The following URGCP variants were observed in gnomAD, a reference collection of about 807,000 sequenced individuals.
The protein encoded by URGCP is up-regulator of cell proliferation.
In URGCP, 13 loss-of-function variants were observed where a neutral mutation model predicts 24.6. The observed-to-expected ratio is 0.53, with a 90% CI of 0.34 to 0.84. The LOEUF (loss-of-function observed/expected upper bound fraction) is 0.84, where lower values mean the gene tolerates loss of function less well. Ranked by LOEUF, URGCP falls within the 40% of genes least tolerant of loss-of-function variation. URGCP has a pLI of 0.01. For missense variants in URGCP, 899 were observed against 1,194.3 expected, an observed-to-expected ratio of 0.75 and a Z score of 3.64; for synonymous variants, 444 against 487.2, an observed-to-expected ratio of 0.91 and a Z score of 1.17.
upstream of URGCP, chr7:43,910,676 A>G (rs947457473): frequency 6.6e-6 from 1 of 151,992 alleles, no homozygotes; most frequent in African/African-American, 2.4e-5. Flanking sequence ...GAAACATAGT[A>G]AGACCTTGTC....
intron 1 of URGCP, chr7:43,889,050 A>C (rs920392468): frequency 5.3e-5 from 8 of 152,270 alleles, no homozygotes; most frequent in African/African-American, 1.9e-4. Context: ...GCACAAACAT[A>C]AACACAGTAA....
intron 1 of URGCP, among the ~76,000 whole-genome samples, chr7:43,914,209 G>A (rs954940685): frequency 2.0e-5 from 3 of 151,954 alleles, no homozygotes; most frequent in African/African-American, 7.2e-5. Flanking sequence ...GCTTTTGAAA[G>A]TTTAATTATG....
chr7:43,919,681 T>G, intron 1 of URGCP: 1 of 1,379,890 alleles, frequency 7.2e-7, no homozygotes, highest in South Asian at 1.2e-5. Context: ...CAGGGAGAGG[T>G]GGACCCCACC....
Position 43,876,649 on chromosome 7 carries a change from C to G in URGCP, c.*18G>C, listed in dbSNP as rs1031953339. On this transcript the variant is annotated 3_prime_UTR_variant, in exon 6 of 6. Coordinates refer to ENST00000453200, the MANE Select transcript of URGCP (RefSeq NM_001077663.3). ...CCCACAGCAGCCTCCTACACCTGAA[C>G]TGGGTTTCTCTGCACACTCACAGCC... 6.2e-7 allele frequency: 1 copy of G among 1,607,962 alleles called. No individual in the cohort carries two copies. The highest frequency in any genetic ancestry group is 1.7e-5 in the Admixed American group (1 of 59,656).
chr7:43,902,063 C>T (rs376039229), intron 1 of URGCP, among the ~76,000 whole-genome samples: 12 of 145,592 alleles, frequency 8.2e-5, no homozygotes, highest in African/African-American at 2.3e-4. Context: ...GAGGAGCAGG[C>T]GAGAGGAAAG....
chr7:43,917,043 G>A (rs1426499696), intron 1 of URGCP, among the ~76,000 whole-genome samples: 2 of 152,166 alleles, frequency 1.3e-5, no homozygotes, highest in Non-Finnish European at 2.9e-5. Flanking sequence ...CTCCTGGGAT[G>A]TATCCTCCAA....
chr7:43,913,460 T>C (rs1004699620), intron 1 of URGCP, among the ~76,000 whole-genome samples: 6 of 151,888 alleles, frequency 4.0e-5, no homozygotes, highest in African/African-American at 1.5e-4. Flanking sequence ...CCTTGTGATC[T>C]GCCTGCCTCG....
intron 1 of URGCP, among the ~76,000 whole-genome samples, chr7:43,917,390 T>C (rs2095916694): frequency 6.6e-6 from 1 of 152,326 alleles, no homozygotes; most frequent in South Asian, 2.1e-4. Context: ...TAGGACTCCA[T>C]AGGCCTGCTG....
intron 1 of URGCP, among the ~76,000 whole-genome samples, chr7:43,899,232 T>C (rs2095885106): frequency 6.8e-6 from 1 of 147,426 alleles, no homozygotes; most frequent in Non-Finnish European, 1.5e-5. Context: ...TATATTTATA[T>C]ATATAATAAA....
Position 43,877,136 on chromosome 7 carries a change from G to A in URGCP, c.2327C>T (p.Thr776Ile). 6.2e-7 allele frequency: 1 copy of A among 1,614,192 alleles called. No individual in the cohort carries two copies. The highest frequency in any genetic ancestry group is 8.5e-7 in the Non-Finnish European group (1 of 1,180,028). The change falls in exon 6 of 6, where the codon ACT (threonine) becomes ATT (isoleucine). Residue 776 changes from threonine to isoleucine, a missense_variant. Coordinates refer to ENST00000453200, the MANE Select transcript of URGCP (RefSeq NM_001077663.3). ...GACATTGCTCAGTCCCATGAGCAGA[G>A]TGGCCAAGGAAGCCTCCAGCTCAAA... ...DRFELEASLATLLMGLSNVTV... is the reference protein window; with the variant it reads ...DRFELEASLAILLMGLSNVTV...
At chr7:43,921,304 C>A (rs1267590227) in intron 1 of URGCP, among the ~76,000 whole-genome samples, 1 of 147,948 alleles carries the variant, frequency 6.8e-6, no homozygotes, top group Non-Finnish European at 1.5e-5. Flanking sequence ...CCAGCCTGGG[C>A]GAAATAGCGA....
rs118141756 is a variant in URGCP at position 43,901,920 on chromosome 7, G to C, written c.14+4642C>G. Among the ~76,000 whole-genome samples the C allele has an allele frequency of 8.5e-4, 129 of 152,312 alleles. 5 individuals are homozygous for C. In the East Asian group the frequency reaches 0.024, roughly 29 times the overall value. On this transcript the variant is annotated intron_variant, in intron 1 of 5. Transcript: ENST00000453200. ...GGTGCTTTCAGCTTCCAAGGTAGAT[G>C]AGTCCTTGAGAATTCCCAGGAGCCG...
intron 1 of URGCP, among the ~76,000 whole-genome samples, chr7:43,921,883 C>T (rs1057147849): frequency 2.6e-5 from 4 of 151,738 alleles, no homozygotes; most frequent in East Asian, 1.9e-4. Flanking sequence ...AATACAAGCA[C>T]GAGGTTTTCT....
In URGCP at chr7:43,906,552, C is replaced by T; in HGVS notation, c.14+10G>A. 8.1e-7 allele frequency: 1 copy of T among 1,237,132 alleles called. No homozygotes were observed. The highest frequency in any genetic ancestry group is 3.8e-5 in the East Asian group (1 of 26,272). The allele number at this position is 1,237,132 out of a possible 1,614,324, so 76.6% of individuals were successfully genotyped here. A position where few individuals can be genotyped will look rare whatever the true frequency, so the allele number is the denominator to read the frequency against. ...CCGCGGGGGCGCAGGGCCTGCGAGG[C>T]GGCACTCACCCGGGCGACGCCATGA... On this transcript the variant is annotated intron_variant, in intron 1 of 5. Coordinates refer to ENST00000453200, the MANE Select transcript of URGCP (RefSeq NM_001077663.3).
intron 1 of URGCP, chr7:43,905,721 A>T (rs962888451): frequency 5.3e-5 from 8 of 152,216 alleles, no homozygotes; most frequent in African/African-American, 1.9e-4. Flanking sequence ...TTTAACAACT[A>T]AAGCGATGAC....
In URGCP at chr7:43,887,485, C is replaced by T. The variant is rs1219986610; in HGVS notation, c.42G>A (p.Gly14=). 1.2e-6 allele frequency: 2 copies of T among 1,613,542 alleles called. No homozygotes were observed. Among genetic ancestry groups the T allele is most frequent in the Non-Finnish European group, 1.7e-6 (2 of 1,179,778 alleles). The part of the protein sequence containing the change: ...PGIEVELLGK[G]HSDLGEVAPE... ...GGGCTACTTCTCCCAAATCTGAATG[C>T]CTGAAACAATTTCAGAAGAAAATTA... is the stretch of plus-strand genomic sequence containing the variant. The change falls in exon 3 of 6, where the codon GGG becomes GGA. Residue 14 remains glycine, a splice_region_variant and synonymous_variant. Coordinates refer to ENST00000453200, the MANE Select transcript of URGCP (RefSeq NM_001077663.3).
At chr7:43,879,648 A>C (rs1346345422) in intron 5 of URGCP, 1 of 175,472 alleles carries the variant, frequency 5.7e-6, no homozygotes, top group Non-Finnish European at 1.2e-5. Context: ...TGACTCCTAC[A>C]AGCTGAATGC....
chr7:43,896,799 C>G (rs902550675), intron 1 of URGCP, among the ~76,000 whole-genome samples: 2 of 152,164 alleles, frequency 1.3e-5, no homozygotes, highest in African/African-American at 2.4e-5. Context: ...CTCAGATGTG[C>G]TACAAGGATC....
At chr7:43,885,204 G>A (rs967421279) in intron 3 of URGCP, among the ~76,000 whole-genome samples, 2 of 151,666 alleles carry the variant, frequency 1.3e-5, no homozygotes, top group Non-Finnish European at 1.5e-5. Flanking sequence ...AGGTTCGAGC[G>A]ATTCTCCTGC....
Sources: allele counts gnomAD v4.1 joint callset (sites outside exome capture counted in the v4.1 genomes callset), GRCh38; gene constraint gnomAD v4.1.1; transcripts MANE v1.5; gene names NCBI Gene and HGNC (gene_info 2026-07-23, HGNC 2026-07-21).